Variants in CCDC7 observed in about 807,000 individuals in gnomAD.
CCDC7 encodes the protein coiled-coil domain-containing protein 7.
Under a neutral mutation model 196.9 loss-of-function variants are expected in CCDC7, and 183 were observed. That is an observed-to-expected ratio of 0.93 (90% CI 0.82 to 1.05). CCDC7 has a LOEUF of 1.05. Ranked by LOEUF, CCDC7 falls within the 50% of genes least tolerant of loss-of-function variation. The pLI is 0.00. For synonymous variants in CCDC7, 525 were observed against 484.6 expected (o/e 1.08, Z -1.10); for missense variants, 1,540 against 1,482.2 (o/e 1.04, Z -0.64).
chr10:32,608,809 G>A (rs1471229125), intron 18 of CCDC7, among the ~76,000 whole-genome samples: 1 of 152,174 alleles, frequency 6.6e-6, no homozygotes, highest in Non-Finnish European at 1.5e-5. Context: ...CCAAAGTGCT[G>A]GGATTACTGG....
intron 20 of CCDC7, among the ~76,000 whole-genome samples, chr10:32,640,912 A>T (rs2066677135): frequency 8.3e-6 from 1 of 120,894 alleles, no homozygotes; most frequent in Non-Finnish European, 1.6e-5. Context: ...TTTAGGGTAC[A>T]TGTGCACATT....
intron 9 of CCDC7, among the ~76,000 whole-genome samples, chr10:32,500,465 G>A (rs1208027049): frequency 6.6e-6 from 1 of 150,954 alleles, no homozygotes; most frequent in African/African-American, 2.4e-5. Context: ...CGGGGCAGAG[G>A]TGCTCCCCAC....
chr10:32,486,196 A>T (rs1217500941), intron 8 of CCDC7, among the ~76,000 whole-genome samples: 4 of 152,090 alleles, frequency 2.6e-5, no homozygotes, highest in Non-Finnish European at 5.9e-5. Flanking sequence ...TTGGGTACAT[A>T]TATATTTAGG....
chr10:32,860,880 A>T (rs1372613429), intron 41 of CCDC7, among the ~76,000 whole-genome samples: 1 of 152,152 alleles, frequency 6.6e-6, no homozygotes, highest in Non-Finnish European at 1.5e-5. Context: ...TTCAAGGAGA[A>T]CTACAAACCA....
chr10:32,645,657 C>G (rs2067643132), intron 20 of CCDC7, among the ~76,000 whole-genome samples: 1 of 151,956 alleles, frequency 6.6e-6, no homozygotes, highest in Non-Finnish European at 1.5e-5. Context: ...GTGAACCCAT[C>G]AAGGTTCCTG....
At chr10:32,574,835 TACAAG>T (rs1357193826) in intron 16 of CCDC7, among the ~76,000 whole-genome samples, 12 of 152,324 alleles carry the variant, frequency 7.9e-5, no homozygotes, top group Non-Finnish European at 1.6e-4. Flanking sequence ...CACGAAAACA[TACAAG>T]AGAAGAGTGT....
At chr10:32,820,029 C>T (rs572941259) in intron 31 of CCDC7, among the ~76,000 whole-genome samples, 1 of 152,224 alleles carries the variant, frequency 6.6e-6, no homozygotes, top group Non-Finnish European at 1.5e-5. Context: ...TCACATTGTC[C>T]GTGTTTGGAG....
intron 25 of CCDC7, among the ~76,000 whole-genome samples, chr10:32,716,860 T>C (rs2081664724): frequency 1.3e-5 from 2 of 152,184 alleles, no homozygotes; most frequent in Non-Finnish European, 2.9e-5. Context: ...ATCCTAAATA[T>C]ATATGCTCCC....
At chr10:32,679,098 T>C (rs867434544) in intron 21 of CCDC7, among the ~76,000 whole-genome samples, 1 of 152,208 alleles carries the variant, frequency 6.6e-6, no homozygotes, top group Non-Finnish European at 1.5e-5. Flanking sequence ...GCATGTATAC[T>C]CTAAGATAAT....
intron 21 of CCDC7, among the ~76,000 whole-genome samples, chr10:32,682,654 ATC>A (rs1166754574): frequency 6.6e-6 from 1 of 152,134 alleles, no homozygotes; most frequent in Non-Finnish European, 1.5e-5. Flanking sequence ...CCTCACCAGC[ATC>A]TCTTATTTCT....
intron 1 of CCDC7, 114 bp from the exon 3 acceptor site, chr10:32,453,230 A>G (rs1457025213): frequency 2.6e-6 from 2 of 774,844 alleles, no homozygotes; most frequent in South Asian, 5.7e-5. Flanking sequence ...ACTGGAAGAA[A>G]TAAGTCTTAC....
At position 32,676,508 on chromosome 10, in the gene CCDC7, C is replaced by G. The variant is rs543161920; in HGVS notation, c.2123-9462C>G. Reference sequence around the variant, plus strand: ...TAATATCCAGAATCTACAATGAACTCAAACAAATTTACAAGAAAAAAACAA... The same window carrying G: ...TAATATCCAGAATCTACAATGAACTGAAACAAATTTACAAGAAAAAAACAA... On this transcript the variant is annotated intron_variant, in intron 21 of 41. Coordinates refer to ENST00000639629, the Ensembl canonical transcript of CCDC7. 2.6e-5 allele frequency among the ~76,000 whole-genome samples: 4 copies of G among 151,760 alleles called. No homozygotes were observed. In the South Asian group the frequency reaches 8.4e-4, roughly 32 times the overall value.
chr10:32,637,007 G>C (rs557623557), intron 20 of CCDC7, among the ~76,000 whole-genome samples: 1 of 152,090 alleles, frequency 6.6e-6, no homozygotes, highest in South Asian at 2.1e-4. Context: ...TCATGTGTCT[G>C]TTGGCTGCAT....
chr10:32,515,090 T>G (rs952602312), intron 9 of CCDC7, among the ~76,000 whole-genome samples: 1 of 152,126 alleles, frequency 6.6e-6, no homozygotes, highest in African/African-American at 2.4e-5. Context: ...CCTCCCAAAG[T>G]TCTGTGATTA....
chr10:32,554,545 C>T lies in CCDC7; in HGVS notation c.1134+10244C>T, dbSNP rs534219099. Among the ~76,000 whole-genome samples the T allele has an allele frequency of 5.3e-5, 8 of 152,264 alleles. No homozygotes were observed. In the South Asian group the frequency reaches 1.7e-3, roughly 31 times the overall value. ...CTTGGCTCTCTAAATGGACTCAGTT[C>T]CAAGTAAGGTCAGAAACTTTTCCAA... On this transcript the variant is annotated intron_variant, in intron 13 of 41. Coordinates refer to ENST00000639629, the Ensembl canonical transcript of CCDC7.
chr10:32,673,979 T>G (rs1042022200), intron 21 of CCDC7, among the ~76,000 whole-genome samples: 1 of 151,984 alleles, frequency 6.6e-6, no homozygotes, highest in African/African-American at 2.4e-5. Flanking sequence ...TCATCTAGTT[T>G]TATTTATTTG....
At chr10:32,534,309 T>A (rs904900390) in intron 11 of CCDC7, among the ~76,000 whole-genome samples, 1 of 152,164 alleles carries the variant, frequency 6.6e-6, no homozygotes, top group Admixed American at 6.6e-5. Flanking sequence ...GAATTTCTTT[T>A]TTGTGCTACC....
intron 30 of CCDC7, among the ~76,000 whole-genome samples, chr10:32,807,678 G>T (rs1294445136): frequency 6.6e-6 from 1 of 151,910 alleles, no homozygotes; most frequent in Non-Finnish European, 1.5e-5. Flanking sequence ...TCCCACCATA[G>T]ATTCCTCCAA....
intron 21 of CCDC7, among the ~76,000 whole-genome samples, chr10:32,681,510 A>C (rs1486891063): frequency 6.6e-6 from 1 of 152,088 alleles, no homozygotes; most frequent in Non-Finnish European, 1.5e-5. Context: ...TAGACTAAAA[A>C]TGTTATATGC....
Sources: allele counts gnomAD v4.1 joint callset (sites outside exome capture counted in the v4.1 genomes callset), GRCh38; gene constraint gnomAD v4.1.1; transcripts MANE v1.5; gene names NCBI Gene and HGNC (gene_info 2026-07-23, HGNC 2026-07-21).